PCDH9: variants seen among roughly 807,000 people sequenced by gnomAD.
PCDH9 encodes the protein protocadherin 9, also known as protocadherin-9.
In PCDH9, 24 loss-of-function variants were observed where a neutral mutation model predicts 70.6. The observed-to-expected ratio is 0.34, with a 90% CI of 0.25 to 0.48. The LOEUF is 0.48. PCDH9 is among the 20% of genes least tolerant of loss of function. The pLI is 0.99. For synonymous variants in PCDH9, 562 were observed against 558.5 expected (o/e 1.01, Z -0.09); for missense variants, 1,281 against 1,503.6 (o/e 0.85, Z 2.45).
In PCDH9 at chr13:67,111,645, T is replaced by C. The variant is rs558498295; in HGVS notation, c.3036+113760A>G. Among the ~76,000 whole-genome samples, 3 of 152,330 alleles carry C rather than the reference T, an allele frequency of 2.0e-5. No individual in the cohort carries two copies. In the South Asian group the frequency reaches 6.2e-4, roughly 32 times the overall value. On this transcript the variant is annotated intron_variant, in intron 2 of 4. Coordinates refer to ENST00000377865, the MANE Select transcript of PCDH9 (RefSeq NM_203487.3). ...TGACTACTTTTTTTGCCACTCATAC[T>C]TCTAAAGATATATTTTCTTAGTTAT...
chr13:66,483,864 C>A (rs1177331831), intron 4 of PCDH9, among the ~76,000 whole-genome samples: 1 of 152,124 alleles, frequency 6.6e-6, no homozygotes, highest in South Asian at 2.1e-4. Context: ...AGACCCCTAG[C>A]GGGCAGATAC....
At chr13:66,770,158 A>G (rs2079783496) in intron 3 of PCDH9, among the ~76,000 whole-genome samples, 1 of 152,126 alleles carries the variant, frequency 6.6e-6, no homozygotes, top group Non-Finnish European at 1.5e-5. Context: ...AATTATTACT[A>G]TAGATAGAAA....
At chr13:66,895,331 A>C (rs1011223939) in intron 3 of PCDH9, among the ~76,000 whole-genome samples, 5 of 152,208 alleles carry the variant, frequency 3.3e-5, no homozygotes, top group African/African-American at 1.2e-4. Flanking sequence ...AAAGAATTTC[A>C]TTCATTATTA....
chr13:66,601,454 A>T (rs1406488022), intron 4 of PCDH9, among the ~76,000 whole-genome samples: 1 of 146,258 alleles, frequency 6.8e-6, no homozygotes, highest in Non-Finnish European at 1.5e-5. Context: ...CAATAAAAAT[A>T]GATATAAGTT....
intron 3 of PCDH9, among the ~76,000 whole-genome samples, chr13:66,778,703 C>G (rs1364225355): frequency 6.6e-6 from 1 of 152,194 alleles, no homozygotes; most frequent in East Asian, 1.9e-4. Context: ...CCAGACTACA[C>G]ATATGTGACA....
chr13:66,326,880 C>T (rs750022034), intron 4 of PCDH9, among the ~76,000 whole-genome samples: 5 of 152,098 alleles, frequency 3.3e-5, no homozygotes, highest in Non-Finnish European at 7.4e-5. Flanking sequence ...TCTTCTTCCC[C>T]ACCCAACTTA....
intron 2 of PCDH9, chr13:67,206,394 G>A (rs527448379): frequency 6.6e-6 from 1 of 152,286 alleles, no homozygotes; most frequent in East Asian, 1.9e-4. Context: ...TCGAACTCCT[G>A]AGCTCATGAT....
At chr13:66,699,588 A>G (rs543654304) in intron 3 of PCDH9, among the ~76,000 whole-genome samples, 10 of 152,276 alleles carry the variant, frequency 6.6e-5, no homozygotes, top group Admixed American at 2.0e-4. Flanking sequence ...ACAATCCAAG[A>G]AACGCCATGG....
At chr13:66,617,385 G>A (rs960792331) in intron 4 of PCDH9, among the ~76,000 whole-genome samples, 8 of 152,244 alleles carry the variant, frequency 5.3e-5, no homozygotes, top group East Asian at 3.9e-4. Context: ...TACCTCTTCC[G>A]AATGCATCCT....
intron 4 of PCDH9, among the ~76,000 whole-genome samples, chr13:66,419,186 C>A (rs1269663442): frequency 2.7e-5 from 4 of 149,868 alleles, no homozygotes; most frequent in Non-Finnish European, 5.9e-5. Context: ...GGACTCCTCC[C>A]TAACTCATTT....
chr13:66,530,077 T>A (rs1270831854), intron 4 of PCDH9, among the ~76,000 whole-genome samples: 1 of 152,090 alleles, frequency 6.6e-6, no homozygotes, highest in East Asian at 1.9e-4. Context: ...GTATTGTGAA[T>A]CACTATTACT....
chr13:66,970,104 A>G (rs1236431257), intron 2 of PCDH9, among the ~76,000 whole-genome samples: 1 of 152,094 alleles, frequency 6.6e-6, no homozygotes, highest in African/African-American at 2.4e-5. Context: ...AAGAAAAACT[A>G]GATCATCTCA....
intron 2 of PCDH9, among the ~76,000 whole-genome samples, chr13:66,906,971 C>T (rs538440218): frequency 4.6e-5 from 7 of 151,912 alleles, no homozygotes; most frequent in South Asian, 2.1e-4. Flanking sequence ...TTTGGGAGGC[C>T]GAGGTGGGCG....
At chr13:66,343,684 A>T (rs1409625057) in intron 4 of PCDH9, among the ~76,000 whole-genome samples, 3 of 152,248 alleles carry the variant, frequency 2.0e-5, no homozygotes, top group Admixed American at 2.0e-4. Context: ...GACTGGGTCC[A>T]CCTGGACAGT....
chr13:67,176,761 A>G (rs894148791), intron 2 of PCDH9, among the ~76,000 whole-genome samples: 1 of 152,126 alleles, frequency 6.6e-6, no homozygotes, highest in Non-Finnish European at 1.5e-5. Context: ...TTTGTCACAG[A>G]CATAGGCATT....
intron 2 of PCDH9, among the ~76,000 whole-genome samples, chr13:67,176,263 A>G (rs2088452211): frequency 6.6e-6 from 1 of 152,184 alleles, no homozygotes; most frequent in Non-Finnish European, 1.5e-5. Flanking sequence ...AGGGAAGTAG[A>G]GAATAAGTGG....
At chr13:66,600,554 T>A (rs970747089) in intron 4 of PCDH9, among the ~76,000 whole-genome samples, 1 of 151,920 alleles carries the variant, frequency 6.6e-6, no homozygotes, top group Non-Finnish European at 1.5e-5. Context: ...CATGATTTAA[T>A]TGCCTCATAC....
At chr13:66,763,410 G>T (rs1178617358) in intron 3 of PCDH9, among the ~76,000 whole-genome samples, 1 of 151,950 alleles carries the variant, frequency 6.6e-6, no homozygotes, top group Non-Finnish European at 1.5e-5. Context: ...ATATAAGAAT[G>T]AGGTCAGATT....
intron 4 of PCDH9, among the ~76,000 whole-genome samples, chr13:66,329,970 T>G (rs758403855): frequency 1.3e-5 from 2 of 152,222 alleles, no homozygotes; most frequent in South Asian, 4.1e-4. Flanking sequence ...ATCTGGTAGC[T>G]GTTCTGAATA....
Sources: allele counts gnomAD v4.1 joint callset (sites outside exome capture counted in the v4.1 genomes callset), GRCh38; gene constraint gnomAD v4.1.1; transcripts MANE v1.5; gene names NCBI Gene and HGNC (gene_info 2026-07-23, HGNC 2026-07-21).